RUNX1T1: variants seen among roughly 807,000 people sequenced by gnomAD.
RUNX1T1 encodes the protein protein CBFA2T1.
A neutral mutation model predicts 62.8 loss-of-function variants in RUNX1T1; 4 were observed. The observed-to-expected ratio is 0.06, with a 90% CI of 0.03 to 0.15. The LOEUF (loss-of-function observed/expected upper bound fraction) is 0.15. Ranked by LOEUF, RUNX1T1 falls within the 10% of genes least tolerant of loss-of-function variation. RUNX1T1 has a pLI of 1.00. For missense variants in RUNX1T1, 508 were observed against 754.3 expected, an observed-to-expected ratio of 0.67 and a Z score of 3.82; for synonymous variants, 291 against 286.0, an observed-to-expected ratio of 1.02 and a Z score of -0.18.
chr8:92,011,976 T>G (rs778536739), intron 3 of RUNX1T1, among the ~76,000 whole-genome samples: 1 of 152,212 alleles, frequency 6.6e-6, no homozygotes, highest in Non-Finnish European at 1.5e-5. Context: ...CATTCTCAAC[T>G]TCTTCAGTCC....
intron 1 of RUNX1T1, among the ~76,000 whole-genome samples, chr8:92,061,092 G>T (rs1355958014): frequency 6.6e-6 from 1 of 152,178 alleles, no homozygotes; most frequent in Non-Finnish European, 1.5e-5. Context: ...AGTTTAAAAT[G>T]ATGCAATTAG....
intron 1 of RUNX1T1, among the ~76,000 whole-genome samples, chr8:92,048,524 A>C (rs1201157924): frequency 6.6e-6 from 1 of 152,060 alleles, no homozygotes; most frequent in Non-Finnish European, 1.5e-5. Context: ...CTTTTTAAAA[A>C]ATTTTTAAAT....
Position 91,971,810 on chromosome 8 carries a change from GC to G in RUNX1T1, c.1268-963del, listed in dbSNP as rs553236573. 6.2e-4 allele frequency among the ~76,000 whole-genome samples: 94 copies of G among 152,168 alleles called. 2 individuals carry two copies. The South Asian group carries it at 0.019, about 31-fold the overall frequency. Reference sequence around the variant, plus strand: ...GTGTCAAATAAGCTCTTTATTTTTGGCTGAGGAAAGGGTGCAAAGATTCAAC... The same window carrying G: ...GTGTCAAATAAGCTCTTTATTTTTGGTGAGGAAAGGGTGCAAAGATTCAAC... On this transcript the variant is annotated intron_variant, in intron 9 of 10. Transcript: ENST00000396218.
rs71563486 is a variant in RUNX1T1, at chr8:92,039,144, G to GTT, written c.8-21783_8-21782dup. On this transcript the variant is annotated intron_variant, in intron 1 of 10. Transcript: ENST00000396218. ...AATCCAAAAGGCAATTTTTGTTGTTGTTTTTTTTTTTTTTTTGAGACAGAG... is the reference window on the plus strand; with the variant it reads ...AATCCAAAAGGCAATTTTTGTTGTTGTTTTTTTTTTTTTTTTTTGAGACAGAG... Among the ~76,000 whole-genome samples, 298 of 137,074 alleles carry GTT rather than the reference G, an allele frequency of 2.2e-3. 1 individual carries two copies. Among genetic ancestry groups the GTT allele is most frequent in the African/African-American group, 4.2e-3 (157 of 37,376 alleles). The allele number at this position is 137,074 out of a possible 152,430, so 89.9% of individuals were successfully genotyped here.
intron 1 of RUNX1T1, among the ~76,000 whole-genome samples, chr8:92,032,333 T>C (rs2131320737): frequency 6.6e-6 from 1 of 152,098 alleles, no homozygotes; most frequent in Admixed American, 6.5e-5. Context: ...CAGACAACAA[T>C]TCATAAAAAT....
intron 1 of RUNX1T1, among the ~76,000 whole-genome samples, chr8:92,051,106 C>T (rs1225867422): frequency 7.2e-5 from 11 of 152,040 alleles, no homozygotes; most frequent in Admixed American, 6.6e-4. Flanking sequence ...TCATCTTTTT[C>T]ATTTTTCTGT....
chr8:91,977,716 G>A (rs1447519453), intron 8 of RUNX1T1, among the ~76,000 whole-genome samples: 2 of 152,232 alleles, frequency 1.3e-5, no homozygotes, highest in Admixed American at 6.5e-5. Context: ...AGAAAAAAAC[G>A]TGACTTCAAA....
intron 1 of RUNX1T1, among the ~76,000 whole-genome samples, chr8:92,049,992 A>G (rs1303321368): frequency 1.3e-5 from 2 of 152,224 alleles, no homozygotes; most frequent in African/African-American, 4.8e-5. Context: ...TTTATGAATT[A>G]AAATTCTGCA....
chr8:92,072,172 C>T (rs926096046), intron 2 of RUNX1T1, among the ~76,000 whole-genome samples: 2 of 152,040 alleles, frequency 1.3e-5, no homozygotes, highest in Admixed American at 1.3e-4. Context: ...TGTAAATCTT[C>T]AAATTCAAAG....
At chr8:92,053,036 A>G (rs1461505170) in intron 1 of RUNX1T1, among the ~76,000 whole-genome samples, 2 of 152,210 alleles carry the variant, frequency 1.3e-5, no homozygotes, top group Admixed American at 6.5e-5. Flanking sequence ...CTGAAACTCA[A>G]AAGTCTTACC....
At chr8:92,086,922 T>A (rs1836219351) in intron 1 of RUNX1T1, among the ~76,000 whole-genome samples, 1 of 152,214 alleles carries the variant, frequency 6.6e-6, no homozygotes, top group Non-Finnish European at 1.5e-5. Context: ...GGCCTTGGCC[T>A]CCAGTCCATC....
intron 1 of RUNX1T1, among the ~76,000 whole-genome samples, chr8:92,043,887 A>C (rs1259329887): frequency 6.6e-6 from 1 of 151,190 alleles, no homozygotes; most frequent in Non-Finnish European, 1.5e-5. Context: ...CTGAGGCAGG[A>C]GAATCGCTTG....
At chr8:91,996,515 G>A (rs1023304867) in intron 5 of RUNX1T1, among the ~76,000 whole-genome samples, 3 of 152,096 alleles carry the variant, frequency 2.0e-5, no homozygotes, top group Non-Finnish European at 4.4e-5. Flanking sequence ...TGTTTTTTAA[G>A]TCTACCTGAG....
At chr8:92,017,933 T>C (rs542287843) in intron 1 of RUNX1T1, among the ~76,000 whole-genome samples, 2 of 152,344 alleles carry the variant, frequency 1.3e-5, no homozygotes, top group East Asian at 3.9e-4. Flanking sequence ...CACTGCTACA[T>C]AGGTGAAATG....
At chr8:92,004,236 C>G (rs1203820611) in intron 5 of RUNX1T1, among the ~76,000 whole-genome samples, 1 of 152,108 alleles carries the variant, frequency 6.6e-6, no homozygotes, top group African/African-American at 2.4e-5. Context: ...CAAAAGAGAA[C>G]AGATAAGCAG....
At chr8:91,977,499 A>T (rs1586778625) in intron 8 of RUNX1T1, 1 of 190,962 alleles carries the variant, frequency 5.2e-6, no homozygotes, top group South Asian at 1.9e-4. Flanking sequence ...TGATACAGCT[A>T]ATTAGATTTA....
chr8:92,047,483 C>A (rs776516151), intron 1 of RUNX1T1, among the ~76,000 whole-genome samples: 8 of 152,126 alleles, frequency 5.3e-5, no homozygotes, highest in Non-Finnish European at 1.2e-4. Context: ...TTATTGTCTG[C>A]TCCTGTTCAC....
chr8:92,053,421 G>A (rs1830530988), intron 1 of RUNX1T1, among the ~76,000 whole-genome samples: 1 of 152,170 alleles, frequency 6.6e-6, no homozygotes, highest in African/African-American at 2.4e-5. Flanking sequence ...ATGCCCAGGT[G>A]GAGGGAGAGT....
chr8:92,027,110 C>A (rs1364146210), intron 1 of RUNX1T1, among the ~76,000 whole-genome samples: 1 of 131,240 alleles, frequency 7.6e-6, no homozygotes, highest in Non-Finnish European at 1.6e-5. Context: ...AGCGAAACTC[C>A]GTCTCAAAAA....
Sources: gnomAD v4.1 joint callset for allele counts (sites outside exome capture counted in the v4.1 genomes callset) on GRCh38, gnomAD v4.1.1 for gene constraint, MANE v1.5 for transcripts, NCBI Gene and HGNC (gene_info 2026-07-23, HGNC 2026-07-21) for gene names.